SNX24: variants seen among roughly 807,000 people sequenced by gnomAD.
The protein encoded by SNX24 is sorting nexin-24.
Under a neutral mutation model 28.7 loss-of-function variants are expected in SNX24, and 22 were observed. The observed-to-expected ratio is 0.77, with a 90% CI of 0.55 to 1.10. The LOEUF (loss-of-function observed/expected upper bound fraction) is 1.10, where lower values mean the gene tolerates loss of function less well. Among genes scored for constraint, SNX24 ranks in the 50% least tolerant of loss-of-function variants. The probability of loss-of-function intolerance (pLI) is 0.00; values close to 1 mark genes in which losing one functional copy is unlikely to be tolerated. For synonymous variants in SNX24, 69 were observed against 71.5 expected, an observed-to-expected ratio of 0.96 and a Z score of 0.18; for missense variants, 221 against 201.1, an observed-to-expected ratio of 1.10 and a Z score of -0.60.
chr5:122,847,502 C>CCTTTTTTTT (rs763419143), intron 1 of SNX24, among the ~76,000 whole-genome samples: 1 of 130,798 alleles, frequency 7.6e-6, no homozygotes, highest in African/African-American at 2.9e-5. Context: ...CTCTCTCTCT[C>CCTTTTTTTT]TTTTTTTTTT....
At chr5:122,882,311 T>C (rs1289551724) in intron 1 of SNX24, among the ~76,000 whole-genome samples, 1 of 152,238 alleles carries the variant, frequency 6.6e-6, no homozygotes, top group Admixed American at 6.5e-5. Flanking sequence ...TTAGGATGCC[T>C]CTACTCCTTC....
intron 1 of SNX24, among the ~76,000 whole-genome samples, chr5:122,893,272 T>C (rs1285695185): frequency 2.0e-5 from 3 of 151,810 alleles, no homozygotes; most frequent in Non-Finnish European, 4.4e-5. Flanking sequence ...TTGTGTCCTT[T>C]TGACATGACC....
At chr5:122,974,962 C>T (rs112433008) in intron 3 of SNX24, among the ~76,000 whole-genome samples, 5 of 152,224 alleles carry the variant, frequency 3.3e-5, no homozygotes, top group South Asian at 2.1e-4. Context: ...AGGATGAGTC[C>T]GGGGAATCAG....
chr5:122,969,141 T>C (rs1202665853), intron 3 of SNX24, among the ~76,000 whole-genome samples: 1 of 152,210 alleles, frequency 6.6e-6, no homozygotes, highest in Non-Finnish European at 1.5e-5. Flanking sequence ...ATTCTTTTTG[T>C]TTATAATTTA....
chr5:122,886,081 G>A (rs1192742682), intron 1 of SNX24, among the ~76,000 whole-genome samples: 4 of 152,198 alleles, frequency 2.6e-5, no homozygotes, highest in Non-Finnish European at 4.4e-5. Flanking sequence ...AGGGTTCAGA[G>A]CAAGTGGTTG....
chr5:122,917,462 C>G (rs1320623688), intron 1 of SNX24, among the ~76,000 whole-genome samples: 1 of 152,074 alleles, frequency 6.6e-6, no homozygotes, highest in African/African-American at 2.4e-5. Flanking sequence ...CTTTATGGAA[C>G]CAAAGGAATA....
intron 1 of SNX24, among the ~76,000 whole-genome samples, chr5:122,906,981 T>A (rs968360182): frequency 2.0e-5 from 3 of 152,178 alleles, no homozygotes; most frequent in Non-Finnish European, 4.4e-5. Context: ...AGGCCACCAG[T>A]GCCACAGGAG....
intron 5 of SNX24, among the ~76,000 whole-genome samples, chr5:123,015,785 T>A (rs1408095767): frequency 5.3e-5 from 8 of 152,134 alleles, no homozygotes; most frequent in Non-Finnish European, 1.2e-4. Flanking sequence ...ACCTCAATAC[T>A]TCTAGAAGGA....
intron 3 of SNX24, among the ~76,000 whole-genome samples, chr5:122,961,903 T>C (rs1391034683): frequency 1.3e-5 from 2 of 152,220 alleles, no homozygotes; most frequent in Non-Finnish European, 2.9e-5. Context: ...TCATAATTGG[T>C]GAAAGTATTC....
At chr5:122,993,320 A>G (rs1274913572) in intron 3 of SNX24, among the ~76,000 whole-genome samples, 1 of 132,072 alleles carries the variant, frequency 7.6e-6, no homozygotes, top group Admixed American at 8.2e-5. Context: ...TTTTTTTGAG[A>G]CAGAGTCTTG....
At chr5:122,995,808 A>G (rs1056166150) in intron 3 of SNX24, among the ~76,000 whole-genome samples, 28 of 152,214 alleles carry the variant, frequency 1.8e-4, no homozygotes, top group Non-Finnish European at 3.2e-4. Flanking sequence ...GAGCAGCATC[A>G]GAACTTCACC....
intron 3 of SNX24, among the ~76,000 whole-genome samples, chr5:122,946,656 A>G (rs1561639320): frequency 6.6e-6 from 1 of 152,162 alleles, no homozygotes; most frequent in Non-Finnish European, 1.5e-5. Context: ...TCGAATGTCA[A>G]TTTAGAAAGA....
chr5:122,988,278 G>A (rs760169330), intron 3 of SNX24, among the ~76,000 whole-genome samples: 3 of 152,146 alleles, frequency 2.0e-5, no homozygotes, highest in Non-Finnish European at 2.9e-5. Flanking sequence ...GGTGTACTAG[G>A]GATAACCATA....
At chr5:122,899,009 G>A (rs1304947505) in intron 1 of SNX24, among the ~76,000 whole-genome samples, 1 of 152,162 alleles carries the variant, frequency 6.6e-6, no homozygotes, top group Non-Finnish European at 1.5e-5. Context: ...ATTGGTGGTG[G>A]GCTGTCCTGG....
chr5:122,999,351 T>G (rs1762160563), intron 3 of SNX24, among the ~76,000 whole-genome samples: 1 of 152,150 alleles, frequency 6.6e-6, no homozygotes, highest in Non-Finnish European at 1.5e-5. Flanking sequence ...TGTCAGTTGA[T>G]TCTAATGCCA....
rs70988553 is a variant in SNX24, at chr5:123,014,333, ATTTTTTTTTTT to A, written n.383+12348_383+12358del. On this transcript the variant is annotated intron_variant and non_coding_transcript_variant, in intron 5 of 5. Coordinates refer to the SNX24 transcript ENST00000502387. ...AGGCACACGCCACTGTGCCCAGCTGATTTTTTTTTTTTTTTTTTTTTTTTTTTTTGTAGAGA... is the reference window on the plus strand; with the variant it reads ...AGGCACACGCCACTGTGCCCAGCTGATTTTTTTTTTTTTTTTTTGTAGAGA... Among the ~76,000 whole-genome samples, 453 of 77,318 alleles carry A rather than the reference ATTTTTTTTTTT, an allele frequency of 5.9e-3. 2 individuals carry two copies. The highest frequency in any genetic ancestry group is 0.024 in the African/African-American group (428 of 17,814). 50.7% of individuals were successfully genotyped at this position (77,318 alleles called of 152,430 possible). A position where few individuals can be genotyped will look rare whatever the true frequency, so the allele number is the denominator to read the frequency against.
chr5:122,947,720 G>T (rs976668027), intron 3 of SNX24, among the ~76,000 whole-genome samples: 1 of 152,122 alleles, frequency 6.6e-6, no homozygotes, highest in Non-Finnish European at 1.5e-5. Context: ...TTCAGAAATT[G>T]TATGCAAAGA....
intron 3 of SNX24, among the ~76,000 whole-genome samples, chr5:122,979,650 G>A (rs1012211886): frequency 6.6e-6 from 1 of 152,202 alleles, no homozygotes; most frequent in African/African-American, 2.4e-5. Context: ...AACAAATACA[G>A]TAATAATCAG....
chr5:122,964,890 A>C (rs1306002111), intron 3 of SNX24, among the ~76,000 whole-genome samples: 1 of 152,196 alleles, frequency 6.6e-6, no homozygotes, highest in South Asian at 2.1e-4. Context: ...ATAATATCCT[A>C]TACTGTGGAT....
Sources: gnomAD v4.1 joint callset for allele counts (sites outside exome capture counted in the v4.1 genomes callset) on GRCh38, gnomAD v4.1.1 for gene constraint, MANE v1.5 for transcripts, NCBI Gene and HGNC (gene_info 2026-07-23, HGNC 2026-07-21) for gene names.